Variants in TG observed in about 807,000 individuals in gnomAD.
The protein encoded by TG is thyroid hormones.
Under a neutral mutation model 324.7 loss-of-function variants are expected in TG, and 270 were observed. The observed-to-expected ratio is 0.83, with a 90% CI of 0.75 to 0.92. TG has a LOEUF of 0.92. TG is among the 40% of genes least tolerant of loss of function. The probability of loss-of-function intolerance (pLI) is 0.00; values close to 1 mark genes in which losing one functional copy is unlikely to be tolerated. For synonymous variants in TG, 1,401 were observed against 1,327.0 expected, an observed-to-expected ratio of 1.06 and a Z score of -1.21; for missense variants, 3,591 against 3,456.4, an observed-to-expected ratio of 1.04 and a Z score of -0.98.
At chr8:133,097,958 G>A (rs1848677893) in intron 43 of TG, among the ~76,000 whole-genome samples, 1 of 152,180 alleles carries the variant, frequency 6.6e-6, no homozygotes, top group African/African-American at 2.4e-5. Flanking sequence ...GAGTGAGTGT[G>A]TGTGTGTTGC....
chr8:133,078,693 A>G (rs1285275527), intron 41 of TG, among the ~76,000 whole-genome samples: 3 of 152,198 alleles, frequency 2.0e-5, no homozygotes, highest in African/African-American at 4.8e-5. Context: ...TCAAAGCTAA[A>G]CACTCTTTTT....
At chr8:133,014,406 T>C (rs1435937308) in intron 37 of TG, among the ~76,000 whole-genome samples, 1 of 152,208 alleles carries the variant, frequency 6.6e-6, no homozygotes, top group South Asian at 2.1e-4. Flanking sequence ...GTAAGACTGC[T>C]AAGAGCTGTA....
At chr8:132,872,646 C>T (rs1292734566) in intron 4 of TG, among the ~76,000 whole-genome samples, 2 of 152,030 alleles carry the variant, frequency 1.3e-5, no homozygotes, top group Non-Finnish European at 2.9e-5. Context: ...CTGACTCACC[C>T]GGAGCAACTG....
intron 35 of TG, among the ~76,000 whole-genome samples, chr8:133,004,674 G>T (rs549312872): frequency 6.6e-6 from 1 of 152,178 alleles, no homozygotes; most frequent in Non-Finnish European, 1.5e-5. Flanking sequence ...GGGACACACA[G>T]GACCACCCTG....
chr8:132,933,245 T>TGGAG (rs1822996709), intron 23 of TG, among the ~76,000 whole-genome samples: 1 of 324 alleles, frequency 3.1e-3, no homozygotes, highest in Non-Finnish European at 6.4e-3. Flanking sequence ...AATGTGTATT[T>TGGAG]CTATGTATTT....
intron 40 of TG, 136 bp downstream of exon 40, chr8:133,022,286 T>A: frequency 8.7e-7 from 1 of 1,148,722 alleles, no homozygotes; most frequent in East Asian, 2.4e-5. Flanking sequence ...TTAGCACATA[T>A]GGGAGACCCT....
intron 35 of TG, among the ~76,000 whole-genome samples, chr8:132,990,976 G>A (rs1832255870): frequency 6.6e-6 from 1 of 150,648 alleles, no homozygotes. Context: ...TAGGAGGCAA[G>A]GGAAGGCCCA....
At chr8:133,062,472 C>T (rs1381239989) in intron 41 of TG, among the ~76,000 whole-genome samples, 1 of 152,274 alleles carries the variant, frequency 6.6e-6, no homozygotes, top group Non-Finnish European at 1.5e-5. Flanking sequence ...CTGGGCATCT[C>T]CCCGGTGCCG....
intron 41 of TG, among the ~76,000 whole-genome samples, chr8:133,074,401 G>A (rs1844550521): frequency 6.6e-6 from 1 of 152,018 alleles, no homozygotes; most frequent in African/African-American, 2.4e-5. Flanking sequence ...AACTGGCCTG[G>A]GCACCTAGCA....
At chr8:132,927,641 G>A (rs1427064729) in intron 22 of TG, among the ~76,000 whole-genome samples, 1 of 152,256 alleles carries the variant, frequency 6.6e-6, no homozygotes, top group East Asian at 1.9e-4. Flanking sequence ...ATGCTGAAAT[G>A]TGAAGATCTC....
chr8:132,956,676 G>T (rs1274730197), intron 27 of TG, among the ~76,000 whole-genome samples: 1 of 152,216 alleles, frequency 6.6e-6, no homozygotes, highest in East Asian at 1.9e-4. Context: ...CAGCTGTCAT[G>T]AGCCAGATTG....
intron 35 of TG, among the ~76,000 whole-genome samples, chr8:132,987,279 T>C (rs1041193460): frequency 4.6e-5 from 7 of 152,222 alleles, no homozygotes; most frequent in African/African-American, 1.4e-4. Flanking sequence ...GTTCCTTTGA[T>C]GTGAATCAGA....
At chr8:132,924,880 G>A (rs1821612206) in intron 22 of TG, among the ~76,000 whole-genome samples, 1 of 152,216 alleles carries the variant, frequency 6.6e-6, no homozygotes, top group African/African-American at 2.4e-5. Flanking sequence ...TATTTGCCCT[G>A]TTTCCCCATC....
chr8:132,961,781 C>T (rs1358530996), intron 28 of TG, among the ~76,000 whole-genome samples: 1 of 151,814 alleles, frequency 6.6e-6, no homozygotes, highest in Non-Finnish European at 1.5e-5. Flanking sequence ...AAGCCTCTGA[C>T]CCCATATTAC....
intron 34 of TG, among the ~76,000 whole-genome samples, chr8:132,983,034 G>A (rs188713412): frequency 6.6e-6 from 1 of 152,172 alleles, no homozygotes; most frequent in Non-Finnish European, 1.5e-5. Context: ...GGCAATTATT[G>A]AAACTTGAGG....
intron 37 of TG, among the ~76,000 whole-genome samples, chr8:133,016,544 G>T (rs759796395): frequency 6.6e-6 from 1 of 152,168 alleles, no homozygotes; most frequent in Non-Finnish European, 1.5e-5. Context: ...CCACTGTCTT[G>T]TTTAGTCACC....
intron 41 of TG, chr8:133,048,523 G>T (rs1839878849): frequency 6.5e-6 from 1 of 154,412 alleles, no homozygotes; most frequent in African/African-American, 2.4e-5. Context: ...GCTCAGCCCT[G>T]CTCTTCCTAT....
At chr8:132,990,915 G>GTTT (rs35213262) in intron 35 of TG, among the ~76,000 whole-genome samples, 40 of 136,098 alleles carry the variant, frequency 2.9e-4, no homozygotes, top group African/African-American at 4.4e-4. Context: ...AGGAAGGCCA[G>GTTT]TTTTTTTTTT....
In TG at chr8:132,963,634, A is replaced by G. The variant is rs149690280; in HGVS notation, c.5548+560A>G. On this transcript the variant is annotated intron_variant, in intron 29 of 47. Coordinates refer to ENST00000220616, the MANE Select transcript of TG (RefSeq NM_003235.5). ...ATCAGCTGCTCAATATGGGCTCAGC[A>G]AGGACCAGGAGACAAGACATCTGCA... 7.9e-5 allele frequency among the ~76,000 whole-genome samples: 12 copies of G among 151,954 alleles called. No individual in the cohort carries two copies. The East Asian group carries it at 2.3e-3, about 29-fold the overall frequency.
Sources: gnomAD v4.1 joint callset for allele counts (sites outside exome capture counted in the v4.1 genomes callset) on GRCh38, gnomAD v4.1.1 for gene constraint, MANE v1.5 for transcripts, NCBI Gene and HGNC (gene_info 2026-07-23, HGNC 2026-07-21) for gene names.